The following FBLN2 variants were observed in gnomAD, a reference collection of about 807,000 sequenced individuals.
FBLN2 encodes the protein fibulin 2.
FBLN2 carries 81 observed loss-of-function variants against 123.7 expected under a neutral mutation model. The observed-to-expected ratio is 0.65, with a 90% CI of 0.55 to 0.79. The LOEUF is 0.79. Among genes scored for constraint, FBLN2 ranks in the 30% least tolerant of loss-of-function variants. The pLI is 0.00. For missense variants in FBLN2, 1,603 were observed against 1,681.3 expected (o/e 0.95, Z 0.81); for synonymous variants, 699 against 701.4 (o/e 1.00, Z 0.05).
At chr3:13,588,451 G>A (rs186452251) in intron 2 of FBLN2, among the ~76,000 whole-genome samples, 65 of 152,368 alleles carry the variant, frequency 4.3e-4, no homozygotes, top group African/African-American at 1.5e-3. Context: ...GGCACGGGGC[G>A]TTTGGTTCTG....
intron 1 of FBLN2, chr3:13,566,409 C>T (rs1703748612): frequency 6.6e-6 from 1 of 152,386 alleles, no homozygotes; most frequent in Non-Finnish European, 1.5e-5. Flanking sequence ...AGTCCCTGCC[C>T]TGGAGGGAGT....
chr3:13,575,178 T>C (rs1704095345), intron 2 of FBLN2, among the ~76,000 whole-genome samples: 5 of 152,214 alleles, frequency 3.3e-5, no homozygotes, highest in African/African-American at 2.4e-5. Context: ...AGCCCCATGA[T>C]GCAGGGACTT....
intron 10 of FBLN2, among the ~76,000 whole-genome samples, chr3:13,626,875 T>A (rs1364484717): frequency 6.6e-6 from 1 of 152,184 alleles, no homozygotes; most frequent in Non-Finnish European, 1.5e-5. Flanking sequence ...CCCCTTGCTG[T>A]GGCCTGGTTT....
Position 13,566,766 on chromosome 3 carries a change from G to A in FBLN2, c.-41-3549G>A, listed in dbSNP as rs55769292. ...GCCAGAGCTCTGTGGCTTGAAACAG[G>A]AGTTGGAAACCTGAATTTTTATGTG... On this transcript the variant is annotated intron_variant, in intron 1 of 17. Transcript: ENST00000404922. Among the ~76,000 whole-genome samples the A allele has an allele frequency of 9.1e-3, 1,388 of 152,348 alleles. 25 individuals carry two copies. Among genetic ancestry groups the A allele is most frequent in the African/African-American group, 0.031 (1,297 of 41,586 alleles).
chr3:13,625,128 C>T (rs527293382), intron 9 of FBLN2, among the ~76,000 whole-genome samples: 30 of 148,052 alleles, frequency 2.0e-4, no homozygotes, highest in Admixed American at 6.0e-4. Flanking sequence ...CTCTGTGGCC[C>T]GGGGGTGGTT....
chr3:13,571,298 C>G lies in FBLN2; in HGVS notation c.943C>G (p.Pro315Ala), dbSNP rs746733242. The change falls in exon 2 of 18, where the codon CCC becomes GCC. Residue 315 changes from proline to alanine, a missense_variant. Physicochemically the swap from Pro to Ala is conservative, Grantham distance 27. Coordinates refer to ENST00000404922, the MANE Select transcript of FBLN2 (RefSeq NM_001004019.2). ...GCTGCCCACTACAGCCCCAGCTGGA[C>G]CCAGTCTTCCTATCCAGGAGGAGAG... ...DGLPTTAPAGPSLPIQEERAE... is the reference protein window; with the variant it reads ...DGLPTTAPAGASLPIQEERAE... 2 of 1,585,126 alleles carry G rather than the reference C, an allele frequency of 1.3e-6. No homozygotes were observed. The highest frequency in any genetic ancestry group is 1.7e-6 in the Non-Finnish European group (2 of 1,166,402).
intron 2 of FBLN2, among the ~76,000 whole-genome samples, chr3:13,577,845 A>G (rs574080613): frequency 1.3e-5 from 2 of 152,326 alleles, no homozygotes; most frequent in South Asian, 4.1e-4. Context: ...CCCTCTGCTC[A>G]GGGGCATCTG....
chr3:13,616,878 G>C (rs1705626605), intron 5 of FBLN2, among the ~76,000 whole-genome samples: 2 of 152,200 alleles, frequency 1.3e-5, no homozygotes, highest in Non-Finnish European at 2.9e-5. Context: ...TGCCCAAGTT[G>C]ACCCAGCTAG....
intron 1 of FBLN2, among the ~76,000 whole-genome samples, chr3:13,563,989 G>A (rs2125037646): frequency 6.6e-6 from 1 of 152,348 alleles, no homozygotes; most frequent in South Asian, 2.1e-4. Context: ...CGATGCCAAT[G>A]GGAAGGGAGT....
intron 14 of FBLN2, 87 bp downstream of exon 14, chr3:13,630,032 C>T: frequency 1.9e-6 from 3 of 1,548,220 alleles, no homozygotes; most frequent in Non-Finnish European, 2.6e-6. Flanking sequence ...CTTCTGTGAC[C>T]CTTCACCCTT....
intron 2 of FBLN2, among the ~76,000 whole-genome samples, chr3:13,584,086 C>T (rs1048642979): frequency 2.6e-5 from 4 of 152,200 alleles, no homozygotes; most frequent in East Asian, 1.9e-4. Flanking sequence ...CAAGGGCAGT[C>T]GCTCCTGCTG....
At chr3:13,566,519 C>G (rs1703752375) in intron 1 of FBLN2, 1 of 152,330 alleles carries the variant, frequency 6.6e-6, no homozygotes, top group African/African-American at 2.4e-5. Flanking sequence ...GATGTGAGGA[C>G]AGTGAGGTCT....
chr3:13,618,871 C>T (rs1705731987), intron 6 of FBLN2, 33 bp from the exon 7 acceptor site: 49 of 1,559,972 alleles, frequency 3.1e-5, no homozygotes, highest in Non-Finnish European at 4.2e-5. Context: ...CTGAGACCTC[C>T]CTGCAACCCC....
rs146631839 is a variant in FBLN2, at chr3:13,578,267, G to A, written c.1306+6606G>A. Among the ~76,000 whole-genome samples, 494 of 152,332 alleles carry A rather than the reference G, an allele frequency of 3.2e-3. 3 individuals are homozygous for A. The highest frequency in any genetic ancestry group is 5.1e-3 in the Non-Finnish European group (348 of 68,028). On this transcript the variant is annotated intron_variant, in intron 2 of 17. Transcript: ENST00000404922. ...GAATCTAGTGGGTTTTAGTAGATTT[G>A]GAGTTGTGCAGACATCCCCAGAATC...
At chr3:13,578,553 ATGT>A (rs1559406167) in intron 2 of FBLN2, among the ~76,000 whole-genome samples, 2 of 152,236 alleles carry the variant, frequency 1.3e-5, no homozygotes, top group Non-Finnish European at 2.9e-5. Context: ...TGGTTGAATA[ATGT>A]TGTATGAATA....
chr3:13,564,794 G>T (rs1323334089), intron 1 of FBLN2, among the ~76,000 whole-genome samples: 2 of 152,224 alleles, frequency 1.3e-5, no homozygotes, highest in African/African-American at 4.8e-5. Context: ...GCCCAGAGAG[G>T]TTTCATCTGG....
At chr3:13,585,455 A>C (rs1704466336) in intron 2 of FBLN2, among the ~76,000 whole-genome samples, 1 of 152,184 alleles carries the variant, frequency 6.6e-6, no homozygotes, top group Admixed American at 6.5e-5. Context: ...TGGTACAGTC[A>C]AGCGCTGCAT....
intron 2 of FBLN2, among the ~76,000 whole-genome samples, chr3:13,583,517 T>A (rs1475213094): frequency 6.6e-6 from 1 of 152,230 alleles, no homozygotes; most frequent in Admixed American, 6.5e-5. Context: ...GTGGGCAGAC[T>A]GAGGCTTCAG....
intron 2 of FBLN2, among the ~76,000 whole-genome samples, chr3:13,587,099 T>G (rs7645806): frequency 6.8e-6 from 1 of 147,214 alleles, no homozygotes; most frequent in East Asian, 2.0e-4. Context: ...GAGCCCAGAT[T>G]GGGCCACTGC....
Sources: allele counts gnomAD v4.1 joint callset (sites outside exome capture counted in the v4.1 genomes callset), GRCh38; gene constraint gnomAD v4.1.1; transcripts MANE v1.5; gene names NCBI Gene and HGNC (gene_info 2026-07-23, HGNC 2026-07-21).